The following WDR17 variants were observed in gnomAD, a reference collection of about 807,000 sequenced individuals.
WDR17 encodes the protein WD repeat domain 17.
In WDR17, 143 loss-of-function variants were observed where a neutral mutation model predicts 161.7. That is an observed-to-expected ratio of 0.88 (90% CI 0.77 to 1.02). WDR17 has a LOEUF of 1.02. Among genes scored for constraint, WDR17 ranks in the 50% least tolerant of loss-of-function variants. The pLI is 0.00. For synonymous variants in WDR17, 517 were observed against 515.6 expected (o/e 1.00, Z -0.04); for missense variants, 1,469 against 1,520.9 (o/e 0.97, Z 0.57).
Position 176,141,971 on chromosome 4 carries a change from A to G in WDR17, c.1443-12A>G, listed in dbSNP as rs774383164. The G allele has an allele frequency of 2.6e-6, 4 of 1,551,770 alleles. No individual in the cohort carries two copies. Among genetic ancestry groups the G allele is most frequent in the South Asian group, 1.2e-5 (1 of 83,818 alleles). On this transcript the variant is annotated splice_polypyrimidine_tract_variant and intron_variant, in intron 10 of 28. Transcript: ENST00000508596. ...TATTGTTTTTCTATTAACATATTAT[A>G]ATTAATTCTAGTATTATTCGAACAA...
Position 176,152,555 on chromosome 4 carries a change from G to A in WDR17, c.2460+588G>A, listed in dbSNP as rs188363114. On this transcript the variant is annotated intron_variant, in intron 17 of 28. Transcript: ENST00000508596. ...TGGGAGGCAGAGGTTGCAGTGAGCC[G>A]AGATCGTGCCACTGTACTCCAGCCT... Among the ~76,000 whole-genome samples the A allele has an allele frequency of 2.4e-4, 31 of 128,044 alleles. 1 individual carries two copies. The highest frequency in any genetic ancestry group is 1.9e-3 in the East Asian group (8 of 4,246). 84.0% of individuals were successfully genotyped at this position (128,044 alleles called of 152,430 possible). A position where few individuals can be genotyped will look rare whatever the true frequency, so the allele number is the denominator to read the frequency against.
chr4:176,111,689 A>G lies in WDR17; in HGVS notation c.109A>G (p.Ile37Val), dbSNP rs1218161187. 3 of 1,578,668 alleles carry G rather than the reference A, an allele frequency of 1.9e-6. No homozygotes were observed. Among genetic ancestry groups the G allele is most frequent in the South Asian group, 2.4e-5 (2 of 83,420 alleles). The stretch of plus-strand genomic sequence containing the variant: ...GTTTGCATATTGTGCGACCCTGGCT[A>G]TCTATATTTATCAGGTAAAATAATA... ...DRFAYCATLAIYIYQLDHRYN... is the reference protein window; with the variant it reads ...DRFAYCATLAVYIYQLDHRYN... Residue 37 changes from isoleucine (I) to valine (V), a missense_variant, in exon 2 of 29, where the codon ATC becomes GTC. By Grantham distance (29) the Ile-to-Val change is conservative. Coordinates refer to ENST00000508596, the MANE Select transcript of WDR17 (RefSeq NM_181265.4).
At chr4:176,157,970 G>A (rs1257908292) in intron 18 of WDR17, among the ~76,000 whole-genome samples, 2 of 152,180 alleles carry the variant, frequency 1.3e-5, no homozygotes, top group Non-Finnish European at 2.9e-5. Flanking sequence ...GTGAAAGGAG[G>A]CTGCTGTAGC....
intron 6 of WDR17, among the ~76,000 whole-genome samples, chr4:176,129,950 A>G (rs1351948741): frequency 2.0e-5 from 3 of 147,054 alleles, no homozygotes; most frequent in Non-Finnish European, 3.0e-5. Context: ...CTGAAATACC[A>G]GATTCTTTTC....
intron 2 of WDR17, among the ~76,000 whole-genome samples, chr4:176,114,477 A>G (rs1289500161): frequency 6.6e-6 from 1 of 152,118 alleles, no homozygotes; most frequent in Non-Finnish European, 1.5e-5. Context: ...TGCGATGGCA[A>G]AAATTAAGTT....
At position 176,092,125 on chromosome 4, in the gene WDR17, CCAGA is replaced by C. The variant is rs1356054427; in HGVS notation, c.-6-19447_-6-19444del. On this transcript the variant is annotated intron_variant, in intron 1 of 28. Transcript: ENST00000508596. The stretch of plus-strand genomic sequence containing the variant: ...GGCCAGTATTACCCTAATACCAAAA[CCAGA>C]CAAAGACCCAACAAAAAAAGAAAAT... 6.6e-5 allele frequency among the ~76,000 whole-genome samples: 10 copies of C among 152,170 alleles called. No individual in the cohort carries two copies. In the East Asian group the frequency reaches 1.9e-3, roughly 29 times the overall value.
intron 4 of WDR17, among the ~76,000 whole-genome samples, chr4:176,121,999 G>A (rs1249205661): frequency 6.6e-6 from 1 of 152,174 alleles, no homozygotes; most frequent in Non-Finnish European, 1.5e-5. Flanking sequence ...TATTAGGGCT[G>A]ATGTAAGAAG....
chr4:176,127,439 G>C (rs1579122293), intron 5 of WDR17, among the ~76,000 whole-genome samples: 1 of 151,918 alleles, frequency 6.6e-6, no homozygotes, highest in Non-Finnish European at 1.5e-5. Flanking sequence ...TTGCACTGTG[G>C]TGCATGCCAC....
intron 11 of WDR17, among the ~76,000 whole-genome samples, chr4:176,144,227 A>T (rs1745791338): frequency 6.6e-6 from 1 of 152,104 alleles, no homozygotes; most frequent in African/African-American, 2.4e-5. Context: ...GTATTCCTTG[A>T]CCCCCATATG....
intron 25 of WDR17, among the ~76,000 whole-genome samples, chr4:176,174,370 C>T (rs899678127): frequency 6.6e-6 from 1 of 152,094 alleles, no homozygotes; most frequent in African/African-American, 2.4e-5. Flanking sequence ...TACAGAACAA[C>T]AAGCAGGCAA....
At position 176,125,231 on chromosome 4, in the gene WDR17, T is replaced by C; in HGVS notation, c.666T>C (p.Tyr222=). ...ATCTTCTAGTGGTTAATTTGCATTATGGAATTCGCCTGGTAGATTCTGAAT... is the reference window on the plus strand; with the variant it reads ...ATCTTCTAGTGGTTAATTTGCATTACGGAATTCGCCTGGTAGATTCTGAAT... ...TDYLLVVNLH[Y]GIRLVDSESL... is the part of the protein sequence containing the mutation. The change falls in exon 5 of 29, where the codon TAT becomes TAC. Residue 222 remains tyrosine (Y), a synonymous_variant. Transcript: ENST00000508596. 1.2e-6 allele frequency: 2 copies of C among 1,614,198 alleles called. No homozygotes were observed. Among genetic ancestry groups the C allele is most frequent in the Non-Finnish European group, 1.7e-6 (2 of 1,180,022 alleles).
intron 22 of WDR17, among the ~76,000 whole-genome samples, chr4:176,165,527 G>A (rs887670317): frequency 2.0e-5 from 3 of 152,126 alleles, no homozygotes; most frequent in African/African-American, 7.2e-5. Context: ...ACTCTTGACT[G>A]GAAGCCTTAC....
At chr4:176,138,265 C>G (rs1196728162) in intron 9 of WDR17, among the ~76,000 whole-genome samples, 1 of 151,574 alleles carries the variant, frequency 6.6e-6, no homozygotes, top group Admixed American at 6.6e-5. Flanking sequence ...TAGATGATTA[C>G]TATTGAAGCT....
At chr4:176,100,909 AT>A (rs1737720710) in intron 1 of WDR17, among the ~76,000 whole-genome samples, 1 of 151,880 alleles carries the variant, frequency 6.6e-6, no homozygotes, top group Non-Finnish European at 1.5e-5. Flanking sequence ...ATGTGGCTTT[AT>A]TTCTGGGATC....
intron 1 of WDR17, among the ~76,000 whole-genome samples, chr4:176,077,222 G>T (rs1478257942): frequency 2.1e-5 from 3 of 146,340 alleles, no homozygotes; most frequent in Non-Finnish European, 4.5e-5. Flanking sequence ...AAGGGCGGGG[G>T]TCATGGACTG....
At chr4:176,171,125 GT>G (rs764939534) in intron 23 of WDR17, among the ~76,000 whole-genome samples, 44 of 152,256 alleles carry the variant, frequency 2.9e-4, no homozygotes, top group Admixed American at 2.5e-3. Context: ...CTGAATGCAT[GT>G]TGCTTTTACA....
chr4:176,103,679 T>C (rs1738198355), intron 1 of WDR17, among the ~76,000 whole-genome samples: 1 of 151,834 alleles, frequency 6.6e-6, no homozygotes, highest in Admixed American at 6.6e-5. Flanking sequence ...GAAGAAAATA[T>C]TAGCAAATAT....
intron 7 of WDR17, among the ~76,000 whole-genome samples, chr4:176,133,144 A>T (rs1431730984): frequency 4.0e-5 from 6 of 149,716 alleles, no homozygotes; most frequent in African/African-American, 1.2e-4. Flanking sequence ...CAAGTGCCAT[A>T]TATACCATTC....
At chr4:176,069,281 C>G (rs1270877025) in intron 1 of WDR17, among the ~76,000 whole-genome samples, 2 of 151,804 alleles carry the variant, frequency 1.3e-5, no homozygotes, top group African/African-American at 2.4e-5. Flanking sequence ...AAAAGTCTTA[C>G]TTTTTATTAT....
Sources: gnomAD v4.1 joint callset for allele counts (sites outside exome capture counted in the v4.1 genomes callset) on GRCh38, gnomAD v4.1.1 for gene constraint, MANE v1.5 for transcripts, NCBI Gene and HGNC (gene_info 2026-07-23, HGNC 2026-07-21) for gene names.